FAT3: variants seen among roughly 807,000 people sequenced by gnomAD.
FAT3 encodes the protein FAT atypical cadherin 3.
FAT3 carries 95 observed loss-of-function variants against 310.2 expected under a neutral mutation model. The observed-to-expected ratio is 0.31, with a 90% CI of 0.26 to 0.36. FAT3 has a LOEUF of 0.36. Ranked by LOEUF, FAT3 falls within the 10% of genes least tolerant of loss-of-function variation. The probability of loss-of-function intolerance (pLI) is 1.00; values close to 1 mark genes in which losing one functional copy is unlikely to be tolerated. For missense variants in FAT3, 5,408 were observed against 5,715.6 expected (o/e 0.95, Z 1.74); for synonymous variants, 2,314 against 2,192.9 (o/e 1.06, Z -1.54).
At chr11:92,473,909 G>A (rs151100482) in intron 2 of FAT3, among the ~76,000 whole-genome samples, 91 of 152,220 alleles carry the variant, frequency 6.0e-4, no homozygotes, top group South Asian at 3.5e-3. Flanking sequence ...GACCTCCTCC[G>A]GCATTCCTAA....
rs374726779 is a variant in FAT3, at chr11:92,300,218, A to G, written c.-17-51878A>G. On this transcript the variant is annotated intron_variant, in intron 1 of 27. Transcript: ENST00000525166. ...CTTACATGTCATTATTCGTTGGCTC[A>G]TTATATTTCCTGTGCTCAAGATTTT... Among the ~76,000 whole-genome samples the G allele has an allele frequency of 9.2e-5, 14 of 152,274 alleles. No individual in the cohort carries two copies. In the East Asian group the frequency reaches 2.3e-3, roughly 25 times the overall value.
intron 2 of FAT3, among the ~76,000 whole-genome samples, chr11:92,385,838 A>T (rs879203136): frequency 2.6e-5 from 4 of 152,204 alleles, no homozygotes; most frequent in Admixed American, 2.6e-4. Context: ...AAACATGAAT[A>T]TGCAAAACAC....
At chr11:92,566,342 A>C (rs891318321) in intron 3 of FAT3, among the ~76,000 whole-genome samples, 16 of 152,108 alleles carry the variant, frequency 1.1e-4, no homozygotes, top group South Asian at 2.1e-4. Context: ...ACGTGAAGGA[A>C]CTCTTCAAGG....
In FAT3 at chr11:92,234,470, G is replaced by T. The variant is rs141871415; in HGVS notation, c.-18+9296G>T. ...ATGGAGATGTTGAGGAAATGTTAAA[G>T]TTTAAGAATTTCTGGGCCAGGAGTG... is the stretch of plus-strand genomic sequence containing the variant. On this transcript the variant is annotated intron_variant, in intron 1 of 27. Transcript: ENST00000525166. 9.9e-5 allele frequency among the ~76,000 whole-genome samples: 15 copies of T among 152,258 alleles called. No individual in the cohort carries two copies. In the East Asian group the frequency reaches 1.4e-3, roughly 14 times the overall value.
intron 3 of FAT3, among the ~76,000 whole-genome samples, chr11:92,592,164 T>C (rs754149723): frequency 7.2e-5 from 11 of 151,950 alleles, no homozygotes; most frequent in Non-Finnish European, 1.5e-4. Context: ...AACCTAGAAG[T>C]GTTCTCAAAA....
chr11:92,552,527 T>C (rs902674628), intron 3 of FAT3, among the ~76,000 whole-genome samples: 2 of 152,206 alleles, frequency 1.3e-5, no homozygotes, highest in Non-Finnish European at 2.9e-5. Flanking sequence ...ATAGGGAATG[T>C]ACTTTATTCA....
intron 5 of FAT3, 121 bp downstream of exon 5, chr11:92,762,291 A>G: frequency 9.6e-7 from 1 of 1,037,614 alleles, no homozygotes; most frequent in Middle Eastern, 2.1e-4. Context: ...CAGCTGTGGA[A>G]GGGTTCTTTC....
chr11:92,297,677 A>G (rs1946885640), intron 1 of FAT3, among the ~76,000 whole-genome samples: 1 of 152,032 alleles, frequency 6.6e-6, no homozygotes, highest in Admixed American at 6.6e-5. Context: ...TTGCAAACAT[A>G]TTGTTTCTGT....
At chr11:92,415,663 C>T (rs1474029976) in intron 2 of FAT3, among the ~76,000 whole-genome samples, 1 of 152,032 alleles carries the variant, frequency 6.6e-6, no homozygotes, top group African/African-American at 2.4e-5. Context: ...AATCCATTTG[C>T]CAGCAGATGG....
Position 92,809,893 on chromosome 11 carries a change from A to G in FAT3, c.9298A>G (p.Ser3100Gly), listed in dbSNP as rs768205541. The change falls in exon 13 of 28, where the codon AGC (serine) becomes GGC (glycine). Residue 3100 changes from serine to glycine, a missense_variant. Ser to Gly is a moderately conservative substitution (Grantham distance 56). Around this residue, in one of 5 missense-constraint regions of FAT3, gnomAD observed 4,588 missense variants for 4,809.8 expected, o/e 0.95. Transcript: ENST00000525166. ...GGACCGGGAGAGGATCCCCGTGTACAGCCTGATGGCCAAGGCCACTGACGG... is the reference window on the plus strand; with the variant it reads ...GGACCGGGAGAGGATCCCCGTGTACGGCCTGATGGCCAAGGCCACTGACGG... ...LLDRERIPVY[S>G]LMAKATDGGG... 16 of 1,614,050 alleles carry G rather than the reference A, an allele frequency of 9.9e-6. No homozygotes were observed. In the East Asian group the frequency reaches 1.1e-4, roughly 11 times the overall value.
intron 19 of FAT3, among the ~76,000 whole-genome samples, chr11:92,851,717 C>T (rs374129130): frequency 4.6e-5 from 7 of 152,182 alleles, no homozygotes; most frequent in African/African-American, 1.2e-4. Context: ...TGATGGATGT[C>T]GAAGATGCAG....
At chr11:92,670,859 C>T (rs202073378) in intron 3 of FAT3, among the ~76,000 whole-genome samples, 1 of 152,146 alleles carries the variant, frequency 6.6e-6, no homozygotes, top group East Asian at 1.9e-4. Context: ...GGGGAAGGCT[C>T]AGGAAGCCTC....
At chr11:92,700,225 C>A (rs895261476) in intron 4 of FAT3, among the ~76,000 whole-genome samples, 3 of 152,050 alleles carry the variant, frequency 2.0e-5, no homozygotes, top group Admixed American at 1.3e-4. Flanking sequence ...AGACTCTGTT[C>A]AAGAAATAGA....
chr11:92,802,193 A>G (rs1366103960), intron 10 of FAT3, among the ~76,000 whole-genome samples: 2 of 152,192 alleles, frequency 1.3e-5, no homozygotes, highest in Non-Finnish European at 2.9e-5. Flanking sequence ...AGTCCAGCCA[A>G]ATATCTCAGT....
chr11:92,411,138 A>T (rs1950256806), intron 2 of FAT3, among the ~76,000 whole-genome samples: 1 of 91,138 alleles, frequency 1.1e-5, no homozygotes, highest in African/African-American at 3.2e-5. Context: ...ATTATATATT[A>T]TATATATAAA....
Position 92,836,681 on chromosome 11 carries a change from A to G in FAT3, c.10202A>G (p.Lys3401Arg). 1.2e-6 allele frequency: 2 copies of G among 1,613,546 alleles called. No homozygotes were observed. The highest frequency in any genetic ancestry group is 1.7e-6 in the Non-Finnish European group (2 of 1,179,682). Reference sequence around the variant, plus strand: ...CCTGTCTTGGGACTTGTGAAAGTTAAGAAGAAATTGGACCGGGAACGGGTA... The same window carrying G: ...CCTGTCTTGGGACTTGTGAAAGTTAGGAAGAAATTGGACCGGGAACGGGTA... Reference protein sequence around the residue: ...VDPVLGLVKVKKKLDRERVSG... With the variant: ...VDPVLGLVKVRKKLDRERVSG... The change falls in exon 16 of 28, where the codon AAG (lysine) becomes AGG (arginine). Residue 3401 changes from lysine (K) to arginine (R), a missense_variant. This residue lies in a region of FAT3 where 4,588 missense variants were observed against 4,809.8 expected (regional missense o/e 0.95). Transcript: ENST00000525166.
chr11:92,561,250 C>CGTGTGTGTGTGT (rs66585879), intron 3 of FAT3, among the ~76,000 whole-genome samples: 40 of 148,496 alleles, frequency 2.7e-4, no homozygotes, highest in South Asian at 1.1e-3. Flanking sequence ...CCTTCTACTT[C>CGTGTGTGTGTGT]GTGTGTGTGT....
At chr11:92,652,400 C>G (rs1444999848) in intron 3 of FAT3, among the ~76,000 whole-genome samples, 1 of 152,184 alleles carries the variant, frequency 6.6e-6, no homozygotes, top group African/African-American at 2.4e-5. Context: ...TCTTTTAAGG[C>G]CATAAAACTG....
rs964960927 is a variant in FAT3 at position 92,335,140 on chromosome 11, A to G, written c.-17-16956A>G. On this transcript the variant is annotated intron_variant, in intron 1 of 27. Transcript: ENST00000525166. The stretch of plus-strand genomic sequence containing the variant: ...TATCTTTGGGAGTTACCTGTAGTCC[A>G]TTTGTCCCCATCTTATGTGTTAGAT... Among the ~76,000 whole-genome samples the G allele has an allele frequency of 4.0e-5, 6 of 151,770 alleles. No homozygotes were observed. In the South Asian group the frequency reaches 8.3e-4, roughly 21 times the overall value.
Sources: gnomAD v4.1 joint callset for allele counts (sites outside exome capture counted in the v4.1 genomes callset) on GRCh38, gnomAD v4.1.1 for gene constraint, gnomAD v4.1.1 regional missense constraint, MANE v1.5 for transcripts, NCBI Gene and HGNC (gene_info 2026-07-23, HGNC 2026-07-21) for gene names.